The following GPR39 variants were observed in gnomAD, a reference collection of about 807,000 sequenced individuals.
GPR39 encodes the protein G protein-coupled receptor 39.
A neutral mutation model predicts 18.4 loss-of-function variants in GPR39; 23 were observed. The observed-to-expected ratio is 1.25, with a 90% CI of 0.90 to 1.77. GPR39 has a LOEUF of 1.77. Among genes scored for constraint, GPR39 ranks in the 40% most tolerant of loss-of-function variants. GPR39 has a pLI of 0.00. For missense variants in GPR39, 647 were observed against 602.4 expected (o/e 1.07, Z -0.78); for synonymous variants, 280 against 257.9 (o/e 1.09, Z -0.82).
intron 1 of GPR39, among the ~76,000 whole-genome samples, chr2:132,551,713 C>T (rs1303548638): frequency 6.6e-6 from 1 of 152,134 alleles, no homozygotes; most frequent in Non-Finnish European, 1.5e-5. Flanking sequence ...AAACAGTTTA[C>T]CTGCACTATA....
intron 1 of GPR39, among the ~76,000 whole-genome samples, chr2:132,620,907 C>G (rs2104859641): frequency 6.6e-6 from 1 of 152,246 alleles, no homozygotes; most frequent in South Asian, 2.1e-4. Flanking sequence ...TGCCCACCAC[C>G]ACGCCCGGCT....
intron 1 of GPR39, among the ~76,000 whole-genome samples, chr2:132,466,960 C>A (rs967216721): frequency 1.3e-5 from 2 of 152,116 alleles, no homozygotes; most frequent in African/African-American, 4.8e-5. Context: ...CCCATAACTT[C>A]ATGTTTTATA....
chr2:132,525,481 G>A (rs12618338), intron 1 of GPR39, among the ~76,000 whole-genome samples: 28,048 of 152,164 alleles, frequency 0.18, 3,247 homozygotes, highest in East Asian at 0.62. Flanking sequence ...ATGCATGCAC[G>A]TATCTCAACT....
chr2:132,418,609 A>C (rs575303075), intron 1 of GPR39: 2 of 152,272 alleles, frequency 1.3e-5, no homozygotes, highest in East Asian at 3.9e-4. Flanking sequence ...TAATCACCTC[A>C]CAGACCCAAT....
At chr2:132,498,777 A>G (rs1026540606) in intron 1 of GPR39, among the ~76,000 whole-genome samples, 1 of 152,222 alleles carries the variant, frequency 6.6e-6, no homozygotes, top group African/African-American at 2.4e-5. Flanking sequence ...AGCAAGGTGT[A>G]TCACATTGTG....
intron 1 of GPR39, among the ~76,000 whole-genome samples, chr2:132,533,348 A>T (rs1219261315): frequency 6.7e-6 from 1 of 150,374 alleles, no homozygotes; most frequent in Non-Finnish European, 1.5e-5. Context: ...ATAAAAGAGG[A>T]TACAAACAAA....
chr2:132,463,420 G>C (rs571829007), intron 1 of GPR39, among the ~76,000 whole-genome samples: 1 of 150,968 alleles, frequency 6.6e-6, no homozygotes, highest in East Asian at 1.9e-4. Flanking sequence ...CCTAAGAGTC[G>C]GGTCTTTTTT....
intron 1 of GPR39, among the ~76,000 whole-genome samples, chr2:132,595,147 C>T (rs546349477): frequency 3.9e-5 from 6 of 152,104 alleles, no homozygotes; most frequent in East Asian, 1.9e-4. Flanking sequence ...TACCGGCGTA[C>T]GCTACCATGC....
At chr2:132,574,945 G>A (rs1680504086) in intron 1 of GPR39, among the ~76,000 whole-genome samples, 3 of 152,052 alleles carry the variant, frequency 2.0e-5, no homozygotes, top group Admixed American at 2.0e-4. Flanking sequence ...TTGTGACTGA[G>A]GTTTCCTCCT....
chr2:132,585,702 G>T (rs1044035403), intron 1 of GPR39, among the ~76,000 whole-genome samples: 30 of 152,006 alleles, frequency 2.0e-4, no homozygotes, highest in African/African-American at 6.8e-4. Context: ...CAAGGGGGGC[G>T]CAGTTTGCGA....
At chr2:132,513,511 G>A (rs1460211113) in intron 1 of GPR39, among the ~76,000 whole-genome samples, 1 of 152,114 alleles carries the variant, frequency 6.6e-6, no homozygotes, top group African/African-American at 2.4e-5. Context: ...GGAGTAGCAG[G>A]TGTGTCCAGG....
At chr2:132,633,439 A>G (rs2104871994) in intron 1 of GPR39, among the ~76,000 whole-genome samples, 1 of 151,670 alleles carries the variant, frequency 6.6e-6, no homozygotes, top group Non-Finnish European at 1.5e-5. Flanking sequence ...CAGGTAGTGG[A>G]AAAGAACTTT....
At chr2:132,493,898 G>A (rs974455952) in intron 1 of GPR39, among the ~76,000 whole-genome samples, 2 of 152,072 alleles carry the variant, frequency 1.3e-5, no homozygotes, top group Admixed American at 1.3e-4. Flanking sequence ...GACCATCAGA[G>A]AAGGTGGGAA....
intron 1 of GPR39, among the ~76,000 whole-genome samples, chr2:132,554,156 G>T (rs557598808): frequency 6.6e-6 from 1 of 152,212 alleles, no homozygotes; most frequent in African/African-American, 2.4e-5. Context: ...AATGGAGTCA[G>T]TAGACATGGA....
chr2:132,513,704 C>T (rs1169883669), intron 1 of GPR39, among the ~76,000 whole-genome samples: 6 of 152,140 alleles, frequency 3.9e-5, no homozygotes, highest in Admixed American at 1.3e-4. Flanking sequence ...CTTTTCAGTT[C>T]GAATATTAAA....
intron 1 of GPR39, among the ~76,000 whole-genome samples, chr2:132,564,803 C>CTTTTTTTTTTTTTTTT (rs1680316668): frequency 2.2e-5 from 2 of 91,698 alleles, no homozygotes; most frequent in East Asian, 4.0e-4. Context: ...CTATTTTTTT[C>CTTTTTTTTTTTTTTTT]TTTTTTCTTT....
intron 1 of GPR39, among the ~76,000 whole-genome samples, chr2:132,597,985 C>G (rs958898777): frequency 6.6e-6 from 1 of 152,186 alleles, no homozygotes; most frequent in African/African-American, 2.4e-5. Context: ...AGTGCTGAAC[C>G]AGCACAGCCA....
At chr2:132,640,618 C>T (rs913315070) in intron 1 of GPR39, among the ~76,000 whole-genome samples, 1 of 151,854 alleles carries the variant, frequency 6.6e-6, no homozygotes, top group African/African-American at 2.4e-5. Flanking sequence ...CCACACAGAC[C>T]AAAGAATTAT....
chr2:132,629,879 G>A (rs772490447), intron 1 of GPR39, among the ~76,000 whole-genome samples: 3 of 152,154 alleles, frequency 2.0e-5, no homozygotes, highest in South Asian at 2.1e-4. Context: ...CTTGAACTTG[G>A]TGGACACCCT....
Sources: allele counts gnomAD v4.1 joint callset (sites outside exome capture counted in the v4.1 genomes callset), GRCh38; gene constraint gnomAD v4.1.1; transcripts MANE v1.5; gene names NCBI Gene and HGNC (gene_info 2026-07-23, HGNC 2026-07-21).